The following ALK variants were observed in gnomAD, a reference collection of about 807,000 sequenced individuals.
The protein encoded by ALK is ALK receptor tyrosine kinase, also known as ALK tyrosine kinase receptor.
ALK carries 74 observed loss-of-function variants against 163.1 expected under a neutral mutation model. The observed-to-expected ratio is 0.45, with a 90% CI of 0.38 to 0.55. The LOEUF (loss-of-function observed/expected upper bound fraction) is 0.55, where lower values mean the gene tolerates loss of function less well. Ranked by LOEUF, ALK falls within the 20% of genes least tolerant of loss-of-function variation. The probability of loss-of-function intolerance (pLI) is 0.00; values close to 1 mark genes in which losing one functional copy is unlikely to be tolerated. For missense variants in ALK, 2,063 were observed against 2,105.3 expected, an observed-to-expected ratio of 0.98 and a Z score of 0.39; for synonymous variants, 960 against 843.2, an observed-to-expected ratio of 1.14 and a Z score of -2.40.
At chr2:29,764,399 C>T (rs1680799825) in intron 1 of ALK, among the ~76,000 whole-genome samples, 1 of 152,188 alleles carries the variant, frequency 6.6e-6, no homozygotes, top group Admixed American at 6.5e-5. Flanking sequence ...ACACTTACAG[C>T]TTAAAATTGG....
intron 3 of ALK, among the ~76,000 whole-genome samples, chr2:29,580,903 A>T (rs1028973171): frequency 1.3e-5 from 2 of 152,086 alleles, no homozygotes; most frequent in Non-Finnish European, 2.9e-5. Flanking sequence ...TAGTTTCCTT[A>T]TGTCTCAGGC....
chr2:29,457,206 C>T (rs1670977679), intron 4 of ALK, among the ~76,000 whole-genome samples: 1 of 152,062 alleles, frequency 6.6e-6, no homozygotes, highest in Non-Finnish European at 1.5e-5. Context: ...GGCCAGCTAA[C>T]ACTTCAGCAT....
intron 5 of ALK, among the ~76,000 whole-genome samples, chr2:29,348,601 T>C (rs1054261761): frequency 2.0e-5 from 3 of 152,206 alleles, no homozygotes; most frequent in East Asian, 3.8e-4. Flanking sequence ...TGATTGTTTA[T>C]AGGAAAGCAA....
intron 4 of ALK, among the ~76,000 whole-genome samples, chr2:29,480,597 T>C (rs1671638263): frequency 6.6e-6 from 1 of 151,762 alleles, no homozygotes; most frequent in Non-Finnish European, 1.5e-5. Context: ...CAGGGATGAG[T>C]TGACACTTCT....
chr2:29,503,000 C>T (rs1672225793), intron 4 of ALK, among the ~76,000 whole-genome samples: 1 of 152,168 alleles, frequency 6.6e-6, no homozygotes, highest in African/African-American at 2.4e-5. Flanking sequence ...TGTCTTTATG[C>T]AGGGTGGGCA....
intron 1 of ALK, among the ~76,000 whole-genome samples, chr2:29,756,960 T>C (rs1237611926): frequency 6.6e-6 from 1 of 151,986 alleles, no homozygotes; most frequent in African/African-American, 2.4e-5. Flanking sequence ...ATAACACAGA[T>C]AAACAGTATC....
chr2:29,892,892 T>C (rs1667180381), intron 1 of ALK, among the ~76,000 whole-genome samples: 1 of 152,160 alleles, frequency 6.6e-6, no homozygotes, highest in South Asian at 2.1e-4. Flanking sequence ...CACCCACTAG[T>C]CCATTTTTTT....
chr2:29,857,714 T>C (rs555910949), intron 1 of ALK, among the ~76,000 whole-genome samples: 6 of 152,330 alleles, frequency 3.9e-5, no homozygotes, highest in Admixed American at 3.3e-4. Context: ...AGAAACATAC[T>C]CTCGTTAAAT....
intron 1 of ALK, among the ~76,000 whole-genome samples, chr2:29,893,015 C>T (rs1667183314): frequency 6.6e-6 from 1 of 152,180 alleles, no homozygotes; most frequent in South Asian, 2.1e-4. Context: ...CATTAGGGCA[C>T]AGTACTGCCT....
chr2:29,592,080 G>A (rs189731042), intron 3 of ALK, among the ~76,000 whole-genome samples: 42 of 152,208 alleles, frequency 2.8e-4, no homozygotes, highest in African/African-American at 8.9e-4. Flanking sequence ...CAGTGCTTCC[G>A]GAGGGGCCTG....
intron 4 of ALK, among the ~76,000 whole-genome samples, chr2:29,501,140 C>T (rs1463412145): frequency 1.3e-5 from 2 of 152,194 alleles, no homozygotes; most frequent in East Asian, 3.9e-4. Context: ...CTTCCAAGCC[C>T]TTCTGGATCC....
intron 7 of ALK, 66 bp downstream of exon 7, chr2:29,320,685 A>C (rs1573227006): frequency 1.2e-6 from 2 of 1,608,208 alleles, no homozygotes; most frequent in Non-Finnish European, 8.5e-7. Context: ...TCCAGCCCTG[A>C]GTCTCCCATC....
intron 4 of ALK, among the ~76,000 whole-genome samples, chr2:29,406,379 T>C (rs1309844111): frequency 6.6e-6 from 1 of 152,150 alleles, no homozygotes; most frequent in East Asian, 1.9e-4. Context: ...TAAGGACTTG[T>C]TAGGATTTGA....
At chr2:29,739,544 C>T (rs1225621555) in intron 1 of ALK, among the ~76,000 whole-genome samples, 5 of 143,480 alleles carry the variant, frequency 3.5e-5, no homozygotes, top group Non-Finnish European at 7.5e-5. Flanking sequence ...GGCGACAGTG[C>T]GTGAATCTGT....
At chr2:29,835,212 T>G (rs1665526416) in intron 1 of ALK, among the ~76,000 whole-genome samples, 1 of 152,214 alleles carries the variant, frequency 6.6e-6, no homozygotes, top group Admixed American at 6.5e-5. Context: ...TAAGCTGATT[T>G]AGAGGCTGAG....
intron 4 of ALK, among the ~76,000 whole-genome samples, chr2:29,396,906 T>G (rs1669324629): frequency 6.7e-6 from 1 of 148,368 alleles, no homozygotes; most frequent in South Asian, 2.2e-4. Context: ...TTGGTGTTTT[T>G]CAGGAATACA....
At chr2:29,772,862 G>T (rs543257909) in intron 1 of ALK, among the ~76,000 whole-genome samples, 1 of 152,254 alleles carries the variant, frequency 6.6e-6, no homozygotes, top group South Asian at 2.1e-4. Flanking sequence ...TTTCCTACCT[G>T]GTCTCATGAT....
chr2:29,403,867 G>A (rs543797315), intron 4 of ALK, among the ~76,000 whole-genome samples: 9 of 151,994 alleles, frequency 5.9e-5, no homozygotes, highest in Non-Finnish European at 7.4e-5. Flanking sequence ...AGCAATGATC[G>A]TGCCACTGCA....
intron 3 of ALK, among the ~76,000 whole-genome samples, chr2:29,538,915 C>A (rs1673334533): frequency 6.6e-6 from 1 of 152,102 alleles, no homozygotes; most frequent in Non-Finnish European, 1.5e-5. Flanking sequence ...ATCTTCTACA[C>A]CTTACGTTTT....
Sources: gnomAD v4.1 joint callset for allele counts (sites outside exome capture counted in the v4.1 genomes callset) on GRCh38, gnomAD v4.1.1 for gene constraint, MANE v1.5 for transcripts, NCBI Gene and HGNC (gene_info 2026-07-23, HGNC 2026-07-21) for gene names.